The following LEPR variants were observed in gnomAD, a reference collection of about 807,000 sequenced individuals.
The protein encoded by LEPR is leptin receptor, also known as OB receptor.
In LEPR, 56 loss-of-function variants were observed where a neutral mutation model predicts 114.7. The observed-to-expected ratio is 0.49, with a 90% confidence interval of 0.39 to 0.61. The LOEUF (loss-of-function observed/expected upper bound fraction) is 0.61. LEPR is among the 20% of genes least tolerant of loss of function. The pLI is 0.00. For synonymous variants in LEPR, 443 were observed against 461.4 expected, an observed-to-expected ratio of 0.96 and a Z score of 0.51; for missense variants, 1,202 against 1,352.9, an observed-to-expected ratio of 0.89 and a Z score of 1.75.
chr1:65,550,806 C>G lies in LEPR; in HGVS notation c.-20-14740C>G, dbSNP rs1468466159. 3.3e-5 allele frequency among the ~76,000 whole-genome samples: 5 copies of G among 152,284 alleles called. No homozygotes were observed. In the East Asian group the frequency reaches 9.8e-4, roughly 30 times the overall value. On this transcript the variant is annotated intron_variant, in intron 2 of 19. Transcript: ENST00000349533. Reference sequence around the variant, plus strand: ...ATGCCTTGCCCTGCTTTGGCTCGCGCACAGCGCGCTGCACCCACTGTCCTG... The same window carrying G: ...ATGCCTTGCCCTGCTTTGGCTCGCGGACAGCGCGCTGCACCCACTGTCCTG...
chr1:65,619,273 A>T (rs1657728898), intron 16 of LEPR, among the ~76,000 whole-genome samples: 1 of 152,136 alleles, frequency 6.6e-6, no homozygotes. Context: ...AACCATGAGG[A>T]TATAAAATTT....
At chr1:65,469,816 G>A (rs926734776) in intron 2 of LEPR, among the ~76,000 whole-genome samples, 12 of 152,326 alleles carry the variant, frequency 7.9e-5, no homozygotes, top group Admixed American at 5.2e-4. Flanking sequence ...AGTGCGTGCC[G>A]TATTCATCCT....
chr1:65,601,371 T>A (rs1394359494), intron 8 of LEPR, 21 bp from the exon 9 acceptor site: 2 of 1,610,090 alleles, frequency 1.2e-6, no homozygotes, highest in Non-Finnish European at 1.7e-6. Flanking sequence ...TCATCTGATA[T>A]CCTTTCTTCC....
intron 5 of LEPR, among the ~76,000 whole-genome samples, chr1:65,580,250 A>G (rs1654888822): frequency 6.6e-6 from 1 of 152,172 alleles, no homozygotes; most frequent in Non-Finnish European, 1.5e-5. Flanking sequence ...CAATGGGTAG[A>G]GCTGGTCAAT....
At chr1:65,517,890 C>A (rs543378815) in intron 2 of LEPR, among the ~76,000 whole-genome samples, 1 of 152,358 alleles carries the variant, frequency 6.6e-6, no homozygotes, top group East Asian at 1.9e-4. Context: ...TCATTCCACA[C>A]ATTGACATTA....
intron 2 of LEPR, among the ~76,000 whole-genome samples, chr1:65,552,532 CTT>C (rs1194711922): frequency 6.6e-6 from 1 of 152,070 alleles, no homozygotes; most frequent in Non-Finnish European, 1.5e-5. Flanking sequence ...GCAACCCCTG[CTT>C]TTTCTTTTTT....
At chr1:65,481,556 TAAG>T (rs1467776772) in intron 2 of LEPR, among the ~76,000 whole-genome samples, 4 of 151,884 alleles carry the variant, frequency 2.6e-5, no homozygotes, top group African/African-American at 9.7e-5. Flanking sequence ...AAATAAAAGA[TAAG>T]AAAAAGTTGC....
chr1:65,547,000 A>G (rs1227175949), intron 2 of LEPR, among the ~76,000 whole-genome samples: 1 of 152,166 alleles, frequency 6.6e-6, no homozygotes, highest in East Asian at 1.9e-4. Flanking sequence ...TAATTTATTG[A>G]GAGTTTTTAG....
chr1:65,641,559 A>G lies in LEPR; in HGVS notation c.*4544A>G, dbSNP rs1162285441. On this transcript the variant is annotated 3_prime_UTR_variant, in exon 20 of 20. Transcript: ENST00000349533. ...TTTGAGAAATAAAAGTCCAAAAAGA[A>G]TTATTATGAGTTTAAGTTACTTTAG... is the stretch of plus-strand genomic sequence containing the variant. The G allele has an allele frequency of 6.6e-6, 1 of 152,222 alleles. No individual in the cohort carries two copies. Among genetic ancestry groups the G allele is most frequent in the Non-Finnish European group, 1.5e-5 (1 of 68,032 alleles). The allele number at this position is 152,222 out of a possible 1,614,324, so 9.4% of individuals were successfully genotyped here. A position where few individuals can be genotyped will look rare whatever the true frequency, so the allele number is the denominator to read the frequency against.
At chr1:65,596,690 A>G (rs1656088376) in intron 7 of LEPR, 97 bp downstream of exon 7, 2 of 1,067,422 alleles carry the variant, frequency 1.9e-6, no homozygotes, top group African/African-American at 1.6e-5. Flanking sequence ...AAATATATAC[A>G]TTTCTTCTAA....
intron 5 of LEPR, among the ~76,000 whole-genome samples, chr1:65,583,124 C>G (rs955150182): frequency 6.6e-6 from 1 of 152,158 alleles, no homozygotes; most frequent in Non-Finnish European, 1.5e-5. Context: ...AATGAGTACT[C>G]CTAGTACTTA....
chr1:65,624,965 A>G lies in LEPR; in HGVS notation c.2673+1984A>G, dbSNP rs368942358. On this transcript the variant is annotated intron_variant, in intron 19 of 19. Coordinates refer to ENST00000349533, the MANE Select transcript of LEPR (RefSeq NM_002303.6). ...CCTGAGTCTAATCAGCCACACTCCT[A>G]TATACTCCTCACCTGTGCTGTTGCT... 3.2e-4 allele frequency among the ~76,000 whole-genome samples: 49 copies of G among 152,256 alleles called. No homozygotes were observed. In the South Asian group the frequency reaches 9.9e-3, roughly 31 times the overall value.
intron 19 of LEPR, chr1:65,626,059 T>C (rs1451731018): frequency 6.7e-7 from 1 of 1,482,732 alleles, no homozygotes; most frequent in African/African-American, 1.4e-5. Flanking sequence ...GGCCATGAAA[T>C]GATCAGGCCC....
At chr1:65,550,763 C>T (rs1242011715) in intron 2 of LEPR, among the ~76,000 whole-genome samples, 4 of 152,192 alleles carry the variant, frequency 2.6e-5, no homozygotes, top group African/African-American at 9.6e-5. Context: ...TGACCCCTTG[C>T]GCTTCCTGAG....
chr1:65,507,350 T>A (rs1308943968), intron 2 of LEPR, among the ~76,000 whole-genome samples: 1 of 151,910 alleles, frequency 6.6e-6, no homozygotes, highest in Non-Finnish European at 1.5e-5. Flanking sequence ...CATGCCCAAC[T>A]GCTTATTTCA....
intron 2 of LEPR, among the ~76,000 whole-genome samples, chr1:65,479,518 C>T (rs935203988): frequency 6.6e-6 from 1 of 152,104 alleles, no homozygotes; most frequent in Non-Finnish European, 1.5e-5. Context: ...ATTTCCAAAG[C>T]GTATCTGGCA....
At position 65,609,176 on chromosome 1, in the gene LEPR, G is replaced by C. The variant is rs1657013739; in HGVS notation, c.1752+275G>C. ...TGGCTAAATCAGTTTAGGAAACCCT[G>C]TATCACTGTATCTTCCTTGTGTAGT... On this transcript the variant is annotated intron_variant, in intron 12 of 19. Coordinates refer to ENST00000349533, the MANE Select transcript of LEPR (RefSeq NM_002303.6). Among the ~76,000 whole-genome samples the C allele has an allele frequency of 2.6e-5, 4 of 152,324 alleles. No homozygotes were observed. The South Asian group carries it at 8.3e-4, about 32-fold the overall frequency.
Position 65,555,531 on chromosome 1 carries a change from T to C in LEPR, c.-20-10015T>C, listed in dbSNP as rs528958046. ...TAAACTGTTATTTTTAATAGACATC[T>C]TATACTTGTATCTGGTCTGTAAGAC... is the stretch of plus-strand genomic sequence containing the variant. On this transcript the variant is annotated intron_variant, in intron 2 of 19. Transcript: ENST00000349533. Among the ~76,000 whole-genome samples the C allele has an allele frequency of 1.3e-5, 2 of 152,336 alleles. 1 individual carries two copies. The highest frequency in any genetic ancestry group is 4.1e-4 in the South Asian group (2 of 4,826).
rs1646697258 is a variant in LEPR at position 65,445,104 on chromosome 1, T to C, written c.-21+19726T>C. Among the ~76,000 whole-genome samples the C allele has an allele frequency of 2.0e-5, 3 of 152,340 alleles. No individual in the cohort carries two copies. In the South Asian group the frequency reaches 6.2e-4, roughly 32 times the overall value. On this transcript the variant is annotated intron_variant, in intron 2 of 19. Coordinates refer to ENST00000349533, the MANE Select transcript of LEPR (RefSeq NM_002303.6). The stretch of plus-strand genomic sequence containing the variant: ...GAGCAGAAGTAGGTGTTATCCATTA[T>C]GTTGGGACAATAGGTGTAAATTGGT...
Sources: gnomAD v4.1 joint callset for allele counts (sites outside exome capture counted in the v4.1 genomes callset) on GRCh38, gnomAD v4.1.1 for gene constraint, MANE v1.5 for transcripts, NCBI Gene and HGNC (gene_info 2026-07-23, HGNC 2026-07-21) for gene names.